Variants in PTPRO observed in about 807,000 individuals in gnomAD.
The protein encoded by PTPRO is receptor-type tyrosine-protein phosphatase O.
In PTPRO, 62 loss-of-function variants were observed where a neutral mutation model predicts 145.2. The observed-to-expected ratio is 0.43, with a 90% CI of 0.35 to 0.53. The LOEUF is 0.53. Ranked by LOEUF, PTPRO falls within the 20% of genes least tolerant of loss-of-function variation. The pLI is 0.01. For synonymous variants in PTPRO, 565 were observed against 514.7 expected, an observed-to-expected ratio of 1.10 and a Z score of -1.32; for missense variants, 1,345 against 1,482.7, an observed-to-expected ratio of 0.91 and a Z score of 1.53.
intron 1 of PTPRO, among the ~76,000 whole-genome samples, chr12:15,361,959 C>T (rs1938223092): frequency 6.6e-6 from 1 of 152,106 alleles, no homozygotes; most frequent in South Asian, 2.1e-4. Flanking sequence ...ATTTTGTGCA[C>T]AGTAATACTA....
intron 1 of PTPRO, among the ~76,000 whole-genome samples, chr12:15,327,965 A>C (rs1361184968): frequency 6.6e-6 from 1 of 151,884 alleles, no homozygotes; most frequent in East Asian, 1.9e-4. Context: ...AATACAAAAA[A>C]CAGCCAGGTG....
At chr12:15,371,796 T>C (rs1020567010) in intron 1 of PTPRO, among the ~76,000 whole-genome samples, 7 of 152,142 alleles carry the variant, frequency 4.6e-5, no homozygotes, top group South Asian at 2.1e-4. Context: ...CCCATGCTGT[T>C]CTGACAGTGA....
intron 12 of PTPRO, among the ~76,000 whole-genome samples, chr12:15,538,607 T>C (rs1481724200): frequency 6.6e-6 from 1 of 152,164 alleles, no homozygotes; most frequent in Non-Finnish European, 1.5e-5. Context: ...CTCCAATGTA[T>C]TGGAAGAATC....
chr12:15,569,592 T>C (rs1272356167), intron 19 of PTPRO, 94 bp downstream of exon 19: 2 of 1,122,108 alleles, frequency 1.8e-6, no homozygotes, highest in Non-Finnish European at 2.7e-6. Flanking sequence ...TCACTGGCAG[T>C]GCGTAACAAA....
intron 18 of PTPRO, among the ~76,000 whole-genome samples, chr12:15,568,855 C>T (rs1943969408): frequency 6.6e-6 from 1 of 152,194 alleles, no homozygotes; most frequent in South Asian, 2.1e-4. Flanking sequence ...TCCCACTGAT[C>T]CTGCCTCTGC....
intron 1 of PTPRO, among the ~76,000 whole-genome samples, chr12:15,447,868 A>C (rs1329352959): frequency 6.6e-6 from 1 of 152,158 alleles, no homozygotes; most frequent in African/African-American, 2.4e-5. Flanking sequence ...ATTTCCAAAA[A>C]TAAAAATCCC....
At chr12:15,537,447 G>C (rs952648004) in intron 12 of PTPRO, among the ~76,000 whole-genome samples, 1 of 152,110 alleles carries the variant, frequency 6.6e-6, no homozygotes, top group Non-Finnish European at 1.5e-5. Context: ...CCTGTCCCAG[G>C]AGCCAAGGGA....
intron 1 of PTPRO, among the ~76,000 whole-genome samples, chr12:15,386,426 A>G (rs1016137569): frequency 2.6e-5 from 4 of 152,166 alleles, no homozygotes; most frequent in African/African-American, 9.7e-5. Context: ...CAACTGACAA[A>G]AAGATTATGA....
At chr12:15,371,977 C>T (rs899417977) in intron 1 of PTPRO, among the ~76,000 whole-genome samples, 3 of 152,146 alleles carry the variant, frequency 2.0e-5, no homozygotes, top group Non-Finnish European at 4.4e-5. Flanking sequence ...GTCAACTAAA[C>T]CTCTTTCCTA....
At chr12:15,546,828 T>A in intron 13 of PTPRO, 120 bp downstream of exon 13, 1 of 1,416,494 alleles carries the variant, frequency 7.1e-7, no homozygotes, top group Non-Finnish European at 9.7e-7. Context: ...ATTTGCTCTT[T>A]TGTGTTTCAC....
At chr12:15,508,070 G>T (rs1482970165) in intron 6 of PTPRO, among the ~76,000 whole-genome samples, 1 of 152,128 alleles carries the variant, frequency 6.6e-6, no homozygotes, top group East Asian at 1.9e-4. Flanking sequence ...AATTGAGCCA[G>T]CCTGTTGTGT....
rs540476244 is a variant in PTPRO at position 15,342,802 on chromosome 12, A to G, written c.75+20001A>G. ...AAACTAAGCCTTTCTTAGTATGTCA[A>G]GCTGTTGCTTTGGGGTTTTCTTTGT... On this transcript the variant is annotated intron_variant, in intron 1 of 26. Transcript: ENST00000281171. 2.1e-4 allele frequency among the ~76,000 whole-genome samples: 32 copies of G among 152,290 alleles called. No homozygotes were observed. In the South Asian group the frequency reaches 6.2e-3, roughly 30 times the overall value.
intron 21 of PTPRO, 103 bp from the exon 22 acceptor site, chr12:15,580,594 A>G: frequency 1.4e-6 from 2 of 1,461,572 alleles, no homozygotes; most frequent in East Asian, 2.3e-5. Flanking sequence ...TCCTTTGCCA[A>G]TTTTATCACC....
At chr12:15,400,452 A>G (rs1939460690) in intron 1 of PTPRO, among the ~76,000 whole-genome samples, 1 of 152,082 alleles carries the variant, frequency 6.6e-6, no homozygotes, top group South Asian at 2.1e-4. Context: ...TGCCTGTGTC[A>G]TTCCCATGTC....
chr12:15,598,109 T>C lies in PTPRO; in HGVS notation c.*2036T>C, dbSNP rs951289386. ...AAGGTAGGGATCAAATAGTGCCAGATCAATTTTCCCAAAAGGAAAGAGGAA... is the reference window on the plus strand; with the variant it reads ...AAGGTAGGGATCAAATAGTGCCAGACCAATTTTCCCAAAAGGAAAGAGGAA... On this transcript the variant is annotated 3_prime_UTR_variant, in exon 27 of 27. Coordinates refer to ENST00000281171, the MANE Select transcript of PTPRO (RefSeq NM_030667.3). Among the ~76,000 whole-genome samples, 1 of 152,142 alleles carries C rather than the reference T, an allele frequency of 6.6e-6. No homozygotes were observed. The highest frequency in any genetic ancestry group is 2.4e-5 in the African/African-American group (1 of 41,416).
At chr12:15,401,465 T>G (rs1472385800) in intron 1 of PTPRO, among the ~76,000 whole-genome samples, 1 of 152,214 alleles carries the variant, frequency 6.6e-6, no homozygotes, top group Non-Finnish European at 1.5e-5. Flanking sequence ...CCTCTTTGTC[T>G]AAAATATACC....
chr12:15,524,335 C>T (rs528943600), intron 10 of PTPRO, among the ~76,000 whole-genome samples: 10 of 152,094 alleles, frequency 6.6e-5, no homozygotes, highest in Non-Finnish European at 1.3e-4. Context: ...GTACTATGAT[C>T]TTCTATCTTC....
chr12:15,323,131 T>A (rs1866349642), intron 1 of PTPRO, among the ~76,000 whole-genome samples: 1 of 152,220 alleles, frequency 6.6e-6, no homozygotes, highest in African/African-American at 2.4e-5. Flanking sequence ...CTTTCTTTTC[T>A]GGTTTCCACT....
chr12:15,360,832 A>ATACACGTGTG (rs1276555311), intron 1 of PTPRO, among the ~76,000 whole-genome samples: 4 of 143,306 alleles, frequency 2.8e-5, no homozygotes, highest in Non-Finnish European at 6.2e-5. Flanking sequence ...GTGTGTGTAT[A>ATACACGTGTG]TATATACGTG....
Sources: gnomAD v4.1 joint callset for allele counts (sites outside exome capture counted in the v4.1 genomes callset) on GRCh38, gnomAD v4.1.1 for gene constraint, MANE v1.5 for transcripts, NCBI Gene and HGNC (gene_info 2026-07-23, HGNC 2026-07-21) for gene names.